Variants in CAST observed in about 807,000 individuals in gnomAD.
CAST encodes MIR583 host.
Under a neutral mutation model 119.6 loss-of-function variants are expected in CAST, and 76 were observed. The observed-to-expected ratio is 0.64, with a 90% CI of 0.53 to 0.77. The LOEUF (loss-of-function observed/expected upper bound fraction) is 0.77. Ranked by LOEUF, CAST falls within the 30% of genes least tolerant of loss-of-function variation. The probability of loss-of-function intolerance (pLI) is 0.00; values close to 1 mark genes in which losing one functional copy is unlikely to be tolerated. For missense variants in CAST, 953 were observed against 946.5 expected, an observed-to-expected ratio of 1.01 and a Z score of -0.09; for synonymous variants, 319 against 331.6, an observed-to-expected ratio of 0.96 and a Z score of 0.41.
the CAST span, among the ~76,000 whole-genome samples, chr5:96,030,576 C>T: frequency 6.6e-6 from 1 of 152,120 alleles, no homozygotes; most frequent in Admixed American, 6.6e-5. Context: ...ATATTATTTG[C>T]AGCCCCTTTA....
intron 4 of CAST, among the ~76,000 whole-genome samples, chr5:96,724,429 C>T (rs551478673): frequency 1.3e-5 from 2 of 152,226 alleles, no homozygotes; most frequent in East Asian, 3.9e-4. Flanking sequence ...GCAGTCCTCC[C>T]ATCTCAGCCT....
chr5:96,157,230 C>T, the CAST span, among the ~76,000 whole-genome samples: 2 of 152,074 alleles, frequency 1.3e-5, no homozygotes, highest in Admixed American at 1.3e-4. Flanking sequence ...TGGGTTTGCC[C>T]CACCTGTGTG....
the CAST span, among the ~76,000 whole-genome samples, chr5:96,283,936 C>T: frequency 2.6e-5 from 4 of 152,182 alleles, no homozygotes; most frequent in South Asian, 4.1e-4. Context: ...AGAATCCCCC[C>T]ACCCCTTCTC....
the CAST span, among the ~76,000 whole-genome samples, chr5:96,254,089 T>C: frequency 1.3e-5 from 2 of 152,128 alleles, no homozygotes; most frequent in Non-Finnish European, 2.9e-5. Context: ...TAAATATGAT[T>C]TTCAGTTCTT....
chr5:96,648,299 G>A (rs1260349323), intron 1 of CAST, among the ~76,000 whole-genome samples: 1 of 152,128 alleles, frequency 6.6e-6, no homozygotes, highest in East Asian at 1.9e-4. Context: ...TCTAGATTAA[G>A]TCTTTCAGGA....
the CAST span, among the ~76,000 whole-genome samples, chr5:96,436,957 T>C: frequency 6.6e-6 from 1 of 152,192 alleles, no homozygotes; most frequent in African/African-American, 2.4e-5. Context: ...TTTCACATGA[T>C]GGAAATAGAC....
chr5:95,997,302 C>T, the CAST span, among the ~76,000 whole-genome samples: 4 of 152,178 alleles, frequency 2.6e-5, no homozygotes, highest in Non-Finnish European at 5.9e-5. Context: ...TCTGGCAGGG[C>T]TTCTCCTACT....
chr5:96,709,365 G>C (rs1699560118), intron 3 of CAST, among the ~76,000 whole-genome samples: 1 of 152,178 alleles, frequency 6.6e-6, no homozygotes, highest in Non-Finnish European at 1.5e-5. Flanking sequence ...TGTTATATCT[G>C]TTTCTGATAT....
intron 3 of CAST, among the ~76,000 whole-genome samples, chr5:96,709,377 C>T (rs1033002320): frequency 1.3e-5 from 2 of 152,196 alleles, no homozygotes; most frequent in East Asian, 1.9e-4. Context: ...TTCTGATATC[C>T]CCGTGAGTCA....
At chr5:96,726,604 CAAACTG>C (rs1047089002) in intron 4 of CAST, 184 bp from the exon 5 acceptor site, 1 of 432,554 alleles carries the variant, frequency 2.3e-6, no homozygotes, top group African/African-American at 2.0e-5. Context: ...AATGTAAACA[CAAACTG>C]AAATATCTGC....
chr5:96,591,516 G>A (rs1746961755), intron 1 of CAST, among the ~76,000 whole-genome samples: 1 of 152,150 alleles, frequency 6.6e-6, no homozygotes, highest in Non-Finnish European at 1.5e-5. Flanking sequence ...TCTGAGTTAG[G>A]TACAGGACAA....
chr5:96,231,638 G>T, the CAST span, among the ~76,000 whole-genome samples: 1 of 151,990 alleles, frequency 6.6e-6, no homozygotes, highest in East Asian at 1.9e-4. Context: ...AACAGGTGAA[G>T]TTTATGGTAT....
chr5:96,056,445 A>G, the CAST span, among the ~76,000 whole-genome samples: 1 of 152,164 alleles, frequency 6.6e-6, no homozygotes, highest in Non-Finnish European at 1.5e-5. Context: ...TTATTTCCAG[A>G]TGCACGAACT....
chr5:96,527,667 C>T (rs1745618081), upstream of CAST, among the ~76,000 whole-genome samples: 1 of 152,158 alleles, frequency 6.6e-6, no homozygotes, highest in South Asian at 2.1e-4. Context: ...AATAATAATG[C>T]CACTGCCCTT....
chr5:96,615,858 T>C (rs1374219479), intron 1 of CAST, among the ~76,000 whole-genome samples: 3 of 151,796 alleles, frequency 2.0e-5, no homozygotes, highest in African/African-American at 7.3e-5. Context: ...TATTAAGGAG[T>C]ATTAACTCAC....
rs138176775 is a variant in CAST at position 96,685,774 on chromosome 5, A to C, written c.139-10062A>C. Among the ~76,000 whole-genome samples, 250 of 152,342 alleles carry C rather than the reference A, an allele frequency of 1.6e-3. 1 individual carries two copies. Among genetic ancestry groups the C allele is most frequent in the African/African-American group, 5.8e-3 (241 of 41,576 alleles). The stretch of plus-strand genomic sequence containing the variant: ...ATTCAGACTCCTAGGCTCCATCTCC[A>C]GAGACTGATTTAGATCTAAGGTGGG... On this transcript the variant is annotated intron_variant, in intron 2 of 31. Transcript: ENST00000675179.
the CAST span, chr5:96,399,996 C>T: frequency 1.4e-4 from 228 of 1,614,206 alleles, 1 homozygote; most frequent in African/African-American, 2.2e-3. Flanking sequence ...TCTTTCTTCT[C>T]AGGCACGCTC....
the CAST span, among the ~76,000 whole-genome samples, chr5:96,079,954 C>A: frequency 6.6e-6 from 1 of 152,074 alleles, no homozygotes; most frequent in African/African-American, 2.4e-5. Flanking sequence ...GCCTGAAAAG[C>A]CTTATATATA....
upstream of CAST, among the ~76,000 whole-genome samples, chr5:96,523,718 G>T (rs1303722252): frequency 6.6e-6 from 1 of 152,200 alleles, no homozygotes; most frequent in Non-Finnish European, 1.5e-5. Flanking sequence ...CATTCAACAT[G>T]CAGTGTCCAC....
Sources: gnomAD v4.1 joint callset for allele counts (sites outside exome capture counted in the v4.1 genomes callset) on GRCh38, gnomAD v4.1.1 for gene constraint, MANE v1.5 for transcripts, NCBI Gene and HGNC (gene_info 2026-07-23, HGNC 2026-07-21) for gene names.